DCDC2: variants seen among roughly 807,000 people sequenced by gnomAD.
DCDC2 encodes doublecortin domain-containing protein 2.
In DCDC2, 40 loss-of-function variants were observed where a neutral mutation model predicts 50.2. The ratio of observed to expected loss-of-function variants is 0.80; its 90% CI spans 0.62 to 1.04. The LOEUF (loss-of-function observed/expected upper bound fraction) is 1.04, where lower values mean the gene tolerates loss of function less well. DCDC2 is among the 50% of genes least tolerant of loss of function. The pLI is 0.00. For synonymous variants in DCDC2, 234 were observed against 210.6 expected, an observed-to-expected ratio of 1.11 and a Z score of -0.96; for missense variants, 570 against 581.9, an observed-to-expected ratio of 0.98 and a Z score of 0.21.
chr6:24,309,871 C>G (rs1471353595), intron 2 of DCDC2, among the ~76,000 whole-genome samples: 1 of 152,018 alleles, frequency 6.6e-6, no homozygotes, highest in Admixed American at 6.6e-5. Flanking sequence ...GGCCCATGCC[C>G]ATAATCCCAG....
intron 4 of DCDC2, among the ~76,000 whole-genome samples, chr6:24,297,998 C>T (rs184403530): frequency 1.4e-4 from 21 of 152,336 alleles, no homozygotes; most frequent in Admixed American, 7.2e-4. Flanking sequence ...CCCAATATGT[C>T]TAGAGCAGTG....
At chr6:24,226,401 C>T (rs1344328372) in intron 7 of DCDC2, among the ~76,000 whole-genome samples, 1 of 152,158 alleles carries the variant, frequency 6.6e-6, no homozygotes, top group Non-Finnish European at 1.5e-5. Context: ...GACCAGGCTC[C>T]CACAAGGCTT....
Position 24,301,753 on chromosome 6 carries a change from G to C in DCDC2, c.519C>G (p.Val173=), listed in dbSNP as rs1180457464. 15 of 1,614,076 alleles carry C rather than the reference G, an allele frequency of 9.3e-6. No homozygotes were observed. The South Asian group carries it at 1.1e-4, about 12-fold the overall frequency. ...LNQWDHVLQM[V]TEKITLRSGA... is the part of the protein sequence containing the mutation. ...CGCTCCTCAGAGTGATTTTTTCTGTGACCATTTGTAGTACATGATCCCACT... is the reference window on the plus strand; with the variant it reads ...CGCTCCTCAGAGTGATTTTTTCTGTCACCATTTGTAGTACATGATCCCACT... The change falls in exon 4 of 10, where the codon GTC becomes GTG. Residue 173 remains valine (V), a synonymous_variant. Transcript: ENST00000378454.
At chr6:24,226,961 G>A (rs992284627) in intron 7 of DCDC2, among the ~76,000 whole-genome samples, 16 of 152,204 alleles carry the variant, frequency 1.1e-4, no homozygotes, top group African/African-American at 3.9e-4. Context: ...TGTCAGAGTA[G>A]TGTTCTGGGA....
the DCDC2 span, among the ~76,000 whole-genome samples, chr6:24,375,594 C>T: frequency 6.6e-6 from 1 of 152,146 alleles, no homozygotes; most frequent in African/African-American, 2.4e-5. Flanking sequence ...CTCAGCTGAA[C>T]ATTTACCTTA....
chr6:24,240,363 A>G (rs774622485), intron 7 of DCDC2, among the ~76,000 whole-genome samples: 1 of 152,224 alleles, frequency 6.6e-6, no homozygotes, highest in South Asian at 2.1e-4. Context: ...TCTGATTACA[A>G]GCATCATGCA....
chr6:24,288,963 T>A, intron 5 of DCDC2, 57 bp from the exon 6 acceptor site: 1 of 1,328,332 alleles, frequency 7.5e-7, no homozygotes, highest in Non-Finnish European at 1.0e-6. Flanking sequence ...TAATGTACAA[T>A]GCAAGATAAT....
intron 8 of DCDC2, among the ~76,000 whole-genome samples, chr6:24,191,998 G>A (rs1050817623): frequency 3.3e-4 from 50 of 152,166 alleles, no homozygotes; most frequent in Non-Finnish European, 7.4e-5. Context: ...ATCTGCCTCT[G>A]AAATAAGGGG....
intron 7 of DCDC2, among the ~76,000 whole-genome samples, chr6:24,215,286 C>T (rs1241221219): frequency 6.6e-6 from 1 of 152,152 alleles, no homozygotes; most frequent in Non-Finnish European, 1.5e-5. Flanking sequence ...CAGGCAGATC[C>T]GTGTGGCTGC....
At chr6:24,345,033 G>A (rs6904234) in intron 2 of DCDC2, among the ~76,000 whole-genome samples, 26,653 of 151,972 alleles carry the variant, frequency 0.18, 2,447 homozygotes, top group African/African-American at 0.22. Context: ...AACATAATCC[G>A]GAAAGTTTTC....
intron 8 of DCDC2, among the ~76,000 whole-genome samples, chr6:24,204,517 T>C (rs1010047502): frequency 6.6e-6 from 1 of 152,078 alleles, no homozygotes; most frequent in Non-Finnish European, 1.5e-5. Context: ...GGGACAGCAT[T>C]AGGAGAAATG....
chr6:24,187,325 G>T (rs6456597), intron 8 of DCDC2, among the ~76,000 whole-genome samples: 150,953 of 152,220 alleles, frequency 0.99, 74,857 homozygotes, highest in East Asian at 1. Context: ...GGCCACGGGC[G>T]GTGCCATCCT....
chr6:24,240,860 G>T (rs1019518460), intron 7 of DCDC2, among the ~76,000 whole-genome samples: 1 of 152,164 alleles, frequency 6.6e-6, no homozygotes, highest in African/African-American at 2.4e-5. Context: ...TCAATTAAAA[G>T]AATGGGAAGA....
chr6:24,285,986 CA>C (rs1478386278), intron 6 of DCDC2, among the ~76,000 whole-genome samples: 3 of 152,006 alleles, frequency 2.0e-5, no homozygotes, highest in African/African-American at 7.2e-5. Context: ...TAAAGAAAAA[CA>C]AAAAAAGCAA....
chr6:24,242,569 T>C (rs1451182832), intron 7 of DCDC2, among the ~76,000 whole-genome samples: 2 of 152,186 alleles, frequency 1.3e-5, no homozygotes, highest in Non-Finnish European at 2.9e-5. Context: ...ACAGCACAGA[T>C]GCCCATATCT....
intron 6 of DCDC2, among the ~76,000 whole-genome samples, chr6:24,285,143 T>C (rs1408292907): frequency 3.3e-5 from 5 of 152,032 alleles, no homozygotes; most frequent in Non-Finnish European, 7.4e-5. Flanking sequence ...TCCTGGCACT[T>C]AGTAGGAGCT....
chr6:24,179,980 G>A (rs116910104), intron 8 of DCDC2, among the ~76,000 whole-genome samples: 51 of 148,194 alleles, frequency 3.4e-4, no homozygotes, highest in African/African-American at 9.9e-4. Flanking sequence ...AACAAGGGGT[G>A]GGGGAGGGAA....
At chr6:24,358,128 GCACACACACACACACA>G, upstream of DCDC2, 1 of 531,124 alleles carries the variant, frequency 1.9e-6, no homozygotes, top group Non-Finnish European at 3.4e-6. Flanking sequence ...AGAGGAGGAC[GCACACACACACACACA>G]CACAAATATG....
the DCDC2 span, among the ~76,000 whole-genome samples, chr6:24,373,589 G>A: frequency 9.0e-3 from 1,366 of 152,218 alleles, 22 homozygotes; most frequent in African/African-American, 0.03. Flanking sequence ...TTATAGATAC[G>A]CATTCAGGAT....
Sources: allele counts gnomAD v4.1 joint callset (sites outside exome capture counted in the v4.1 genomes callset), GRCh38; gene constraint gnomAD v4.1.1; transcripts MANE v1.5; gene names NCBI Gene and HGNC (gene_info 2026-07-23, HGNC 2026-07-21).